NAALADL2: variants seen among roughly 807,000 people sequenced by gnomAD.
NAALADL2 encodes the protein N-acetylated alpha-linked acidic dipeptidase like 2.
A neutral mutation model predicts 87.2 loss-of-function variants in NAALADL2; 76 were observed. The ratio of observed to expected loss-of-function variants is 0.87; its 90% CI spans 0.72 to 1.05. The LOEUF is 1.05. Ranked by LOEUF, NAALADL2 falls within the 50% of genes least tolerant of loss-of-function variation. The probability of loss-of-function intolerance (pLI) is 0.00; values close to 1 mark genes in which losing one functional copy is unlikely to be tolerated. For synonymous variants in NAALADL2, 354 were observed against 331.0 expected, an observed-to-expected ratio of 1.07 and a Z score of -0.75; for missense variants, 1,089 against 945.8, an observed-to-expected ratio of 1.15 and a Z score of -1.99.
In NAALADL2 at chr3:175,527,008, C is replaced by T. The variant is rs1241910199; in HGVS notation, c.1654-49033C>T. Among the ~76,000 whole-genome samples the T allele has an allele frequency of 2.0e-5, 3 of 152,062 alleles. No individual in the cohort carries two copies. In the South Asian group the frequency reaches 6.2e-4, roughly 31 times the overall value. ...TTTGTCACTTTCCTTGTACTGTTTC[C>T]TTTTCTTTGAAATAATTGCCAGTAA... On this transcript the variant is annotated intron_variant, in intron 9 of 13. Transcript: ENST00000454872.
chr3:174,875,742 A>T lies in NAALADL2; in HGVS notation c.43+16292A>T, dbSNP rs1728424916. On this transcript the variant is annotated intron_variant, in intron 1 of 13. Transcript: ENST00000454872. ...GTTTATAACATTGTAACAAAAAATA[A>T]TTTTTGGCATTTTTTCATAAGCATT... Among the ~76,000 whole-genome samples the T allele has an allele frequency of 2.0e-5, 3 of 151,812 alleles. No homozygotes were observed. The South Asian group carries it at 6.2e-4, about 31-fold the overall frequency.
chr3:174,787,592 T>TATATATAC lies in NAALADL2; in HGVS notation c.-9+49853_-9+49854insCATATATA, dbSNP rs1553855378. On this transcript the variant is annotated intron_variant, in intron 3 of 3. Transcript: ENST00000434257. Reference sequence around the variant, plus strand: ...ATATATCATCATATATATATATATATATATATATATATATATATATATATA... The same window carrying TATATATAC: ...ATATATCATCATATATATATATATATATATATACATATATATATATATATATATATATA... Among the ~76,000 whole-genome samples the TATATATAC allele has an allele frequency of 2.4e-4, 16 of 66,620 alleles. 2 individuals are homozygous for TATATATAC. The highest frequency in any genetic ancestry group is 4.3e-4 in the Non-Finnish European group (13 of 30,418). 43.7% of individuals were successfully genotyped at this position (66,620 alleles called of 152,430 possible).
At chr3:175,364,478 G>A (rs184393936) in intron 5 of NAALADL2, among the ~76,000 whole-genome samples, 1 of 147,650 alleles carries the variant, frequency 6.8e-6, no homozygotes, top group Non-Finnish European at 1.5e-5. Context: ...TGTACATTCG[G>A]GAGTGATATT....
intron 8 of NAALADL2, 135 bp from the exon 9 acceptor site, chr3:175,471,504 A>AG: frequency 2.0e-6 from 1 of 495,208 alleles, no homozygotes; most frequent in Non-Finnish European, 3.4e-6. Flanking sequence ...AAAGAAAGAA[A>AG]AAAAAAAAGA....
intron 1 of NAALADL2, among the ~76,000 whole-genome samples, chr3:174,859,691 T>G (rs545739322): frequency 6.6e-6 from 1 of 152,092 alleles, no homozygotes; most frequent in South Asian, 2.1e-4. Flanking sequence ...AATCACAAAT[T>G]TGGGGGACCC....
intron 2 of NAALADL2, among the ~76,000 whole-genome samples, chr3:175,216,773 A>G (rs181408750): frequency 1.3e-5 from 2 of 150,870 alleles, no homozygotes; most frequent in East Asian, 3.9e-4. Context: ...GGTTCAAACA[A>G]TTCTCCTGCC....
intron 2 of NAALADL2, among the ~76,000 whole-genome samples, chr3:174,647,060 C>CT (rs1184419049): frequency 1.3e-5 from 2 of 152,072 alleles, no homozygotes; most frequent in Admixed American, 6.6e-5. Context: ...CAGATGATCA[C>CT]TTTTTTACTT....
rs544178794 is a variant in NAALADL2 at position 174,982,718 on chromosome 3, T to C, written c.44-114072T>C. 2.0e-4 allele frequency among the ~76,000 whole-genome samples: 31 copies of C among 152,334 alleles called. 1 individual carries two copies. The South Asian group carries it at 6.2e-3, about 31-fold the overall frequency. ...ATTTTATGTAGGTGCTGTTGGAGAA[T>C]TGATCAAATTATATGCAAAGCTATT... On this transcript the variant is annotated intron_variant, in intron 1 of 13. Transcript: ENST00000454872.
At chr3:174,483,485 AGGATTATGG>A (rs1380345740) in intron 1 of NAALADL2, among the ~76,000 whole-genome samples, 3 of 152,024 alleles carry the variant, frequency 2.0e-5, no homozygotes, top group Non-Finnish European at 4.4e-5. Context: ...TTGACACATG[AGGATTATGG>A]GGATTATGGG....
At chr3:174,471,615 A>G (rs1716912304) in intron 1 of NAALADL2, among the ~76,000 whole-genome samples, 1 of 152,054 alleles carries the variant, frequency 6.6e-6, no homozygotes, top group Admixed American at 6.6e-5. Context: ...CATAGTGGTT[A>G]TAAAAATAAG....
At chr3:174,703,052 A>T (rs1729707120) in intron 2 of NAALADL2, among the ~76,000 whole-genome samples, 1 of 152,218 alleles carries the variant, frequency 6.6e-6, no homozygotes, top group Non-Finnish European at 1.5e-5. Context: ...AGTCTCTATC[A>T]ATACAGAGGA....
At chr3:174,628,607 T>G (rs1721822630) in intron 2 of NAALADL2, among the ~76,000 whole-genome samples, 1 of 152,222 alleles carries the variant, frequency 6.6e-6, no homozygotes, top group African/African-American at 2.4e-5. Context: ...TTCTTGCTTT[T>G]TGGTTTATCA....
intron 5 of NAALADL2, among the ~76,000 whole-genome samples, chr3:175,423,051 ATTTT>A (rs201372383): frequency 0.43 from 38,640 of 90,256 alleles, 8,619 homozygotes; most frequent in East Asian, 0.5. Flanking sequence ...ATATATATAT[ATTTT>A]TTTTTTTTCC....
intron 9 of NAALADL2, among the ~76,000 whole-genome samples, chr3:175,497,591 A>C (rs1728987559): frequency 6.6e-6 from 1 of 152,162 alleles, no homozygotes; most frequent in South Asian, 2.1e-4. Flanking sequence ...GTTGGAACGA[A>C]TGACTGACAA....
chr3:175,715,025 A>G (rs1168380369), intron 11 of NAALADL2, among the ~76,000 whole-genome samples: 1 of 152,204 alleles, frequency 6.6e-6, no homozygotes, highest in East Asian at 1.9e-4. Context: ...CTCATTTAAA[A>G]TAAGTACTAA....
intron 5 of NAALADL2, among the ~76,000 whole-genome samples, chr3:175,440,586 T>C (rs1719560870): frequency 6.6e-6 from 1 of 152,184 alleles, no homozygotes; most frequent in African/African-American, 2.4e-5. Flanking sequence ...GATTTTCTTG[T>C]AGAGGTCTTT....
chr3:175,689,608 G>A (rs1435082889), intron 11 of NAALADL2, among the ~76,000 whole-genome samples: 1 of 152,090 alleles, frequency 6.6e-6, no homozygotes, highest in African/African-American at 2.4e-5. Flanking sequence ...CCTCAGCCAC[G>A]ATAAACATTC....
chr3:175,717,406 A>G (rs369412446), intron 11 of NAALADL2, among the ~76,000 whole-genome samples: 4 of 152,164 alleles, frequency 2.6e-5, no homozygotes, highest in African/African-American at 7.2e-5. Flanking sequence ...AAATTAATAT[A>G]CTAGGCCTAG....
intron 2 of NAALADL2, among the ~76,000 whole-genome samples, chr3:174,626,886 T>A (rs1170480956): frequency 6.6e-6 from 1 of 152,090 alleles, no homozygotes; most frequent in Admixed American, 6.5e-5. Flanking sequence ...CATTTTTTCA[T>A]GTATAATGTC....
Sources: allele counts gnomAD v4.1 joint callset (sites outside exome capture counted in the v4.1 genomes callset), GRCh38; gene constraint gnomAD v4.1.1; transcripts MANE v1.5; gene names NCBI Gene and HGNC (gene_info 2026-07-23, HGNC 2026-07-21).